MICAL2: variants seen among roughly 807,000 people sequenced by gnomAD.
MICAL2 encodes microtubule associated monooxygenase, calponin and LIM domain containing 2.
A neutral mutation model predicts 127.3 loss-of-function variants in MICAL2; 77 were observed. That is an observed-to-expected ratio of 0.60 (90% CI 0.50 to 0.73). MICAL2 has a LOEUF of 0.73. MICAL2 is among the 30% of genes least tolerant of loss of function. The pLI, the probability that MICAL2 is intolerant of heterozygous loss-of-function variation, is 0.00. For synonymous variants in MICAL2, 570 were observed against 551.1 expected (o/e 1.03, Z -0.48); for missense variants, 1,351 against 1,434.4 (o/e 0.94, Z 0.94).
At chr11:12,274,915 GT>G (rs1421131183), upstream of MICAL2, among the ~76,000 whole-genome samples, 1 of 151,944 alleles carries the variant, frequency 6.6e-6, no homozygotes, top group African/African-American at 2.4e-5. Context: ...GACTGTGGGG[GT>G]GGGGCACAGC....
chr11:12,238,989 C>T (rs971425035), intron 16 of MICAL2, among the ~76,000 whole-genome samples: 10 of 152,172 alleles, frequency 6.6e-5, no homozygotes, highest in Non-Finnish European at 1.5e-4. Flanking sequence ...CCCACCCGTG[C>T]TTCCTTCATT....
chr11:12,319,099 TAA>T (rs1354334750), intron 29 of MICAL2, among the ~76,000 whole-genome samples: 1 of 152,248 alleles, frequency 6.6e-6, no homozygotes, highest in Admixed American at 6.5e-5. Flanking sequence ...GACTATGTGA[TAA>T]AACCTTAGGC....
chr11:12,361,418 CA>C (rs1297374699), downstream of MICAL2, among the ~76,000 whole-genome samples: 1 of 152,172 alleles, frequency 6.6e-6, no homozygotes, highest in African/African-American at 2.4e-5. Flanking sequence ...GTACCATCCC[CA>C]AATACAAAGA....
At chr11:12,217,834 G>A (rs964394068) in intron 8 of MICAL2, among the ~76,000 whole-genome samples, 43 of 152,138 alleles carry the variant, frequency 2.8e-4, no homozygotes, top group African/African-American at 9.9e-4. Context: ...GTGCTGAGGA[G>A]CCTCAAGGTA....
chr11:12,224,568 C>A, intron 12 of MICAL2, 105 bp from the exon 13 acceptor site: 1 of 1,479,570 alleles, frequency 6.8e-7, no homozygotes, highest in Non-Finnish European at 9.2e-7. Context: ...TGCCTTGGGG[C>A]CGCTCGTCCT....
intron 11 of MICAL2, among the ~76,000 whole-genome samples, chr11:12,223,173 T>C (rs1459368728): frequency 6.6e-6 from 1 of 152,170 alleles, no homozygotes; most frequent in Non-Finnish European, 1.5e-5. Flanking sequence ...AATTAGCTAA[T>C]TACATACACA....
At chr11:12,324,509 G>T (rs1014962242) in intron 31 of MICAL2, among the ~76,000 whole-genome samples, 1 of 152,160 alleles carries the variant, frequency 6.6e-6, no homozygotes, top group East Asian at 1.9e-4. Flanking sequence ...TAAGTATCTA[G>T]CATTCCAATA....
intron 29 of MICAL2, among the ~76,000 whole-genome samples, chr11:12,297,713 A>G (rs567302717): frequency 6.6e-6 from 1 of 152,120 alleles, no homozygotes; most frequent in African/African-American, 2.4e-5. Context: ...TGAGCTATAG[A>G]TTCTGCCTTA....
intron 1 of MICAL2, chr11:12,276,318 T>A (rs1183921102): frequency 1.5e-5 from 6 of 396,964 alleles, no homozygotes; most frequent in African/African-American, 1.2e-4. Flanking sequence ...ATAGTACCCA[T>A]CTCAGAGGGA....
At chr11:12,259,600 G>A (rs1862822584) in intron 25 of MICAL2, 195 bp from the exon 26 acceptor site, 1 of 455,738 alleles carries the variant, frequency 2.2e-6, no homozygotes, top group Non-Finnish European at 3.9e-6. Flanking sequence ...GAAGGCTCGT[G>A]ACTCCTATGG....
intron 22 of MICAL2, chr11:12,250,133 G>A (rs1861346982): frequency 6.6e-6 from 1 of 152,256 alleles, no homozygotes; most frequent in African/African-American, 2.4e-5. Flanking sequence ...GATTGGCTCT[G>A]GGGAGAGGAG....
At chr11:12,333,355 T>A (rs1938685539) in intron 32 of MICAL2, among the ~76,000 whole-genome samples, 2 of 112,916 alleles carry the variant, frequency 1.8e-5, no homozygotes, top group African/African-American at 5.3e-5. Flanking sequence ...CTAAAAACTT[T>A]TAGCAAAAAA....
At chr11:12,344,586 C>T (rs188134012) in intron 32 of MICAL2, among the ~76,000 whole-genome samples, 125 of 149,140 alleles carry the variant, frequency 8.4e-4, no homozygotes, top group South Asian at 1.9e-3. Context: ...CTGCAACCTC[C>T]GCCTCCCAGG....
intron 3 of MICAL2, among the ~76,000 whole-genome samples, chr11:12,168,946 C>CAAAAAAAAA (rs66469229): frequency 8.7e-6 from 1 of 115,212 alleles, no homozygotes; most frequent in African/African-American, 3.5e-5. Flanking sequence ...GATCCTGTCT[C>CAAAAAAAAA]AAAAAAAAAA....
chr11:12,253,500 G>A (rs567973890), intron 22 of MICAL2: 1 of 152,292 alleles, frequency 6.6e-6, no homozygotes, highest in African/African-American at 2.4e-5. Flanking sequence ...AGGGAGGGAG[G>A]AAGCAAGGTA....
At chr11:12,238,429 G>A (rs555842907) in intron 16 of MICAL2, among the ~76,000 whole-genome samples, 5 of 152,292 alleles carry the variant, frequency 3.3e-5, no homozygotes, top group South Asian at 4.1e-4. Flanking sequence ...TATAAGTCAC[G>A]TTGATATCAT....
At chr11:12,179,330 A>C (rs1590207735) in intron 3 of MICAL2, among the ~76,000 whole-genome samples, 1 of 151,750 alleles carries the variant, frequency 6.6e-6, no homozygotes, top group East Asian at 1.9e-4. Context: ...GTCCTTGGAG[A>C]TCCTCCACCT....
chr11:12,124,606 C>T (rs541778687), intron 1 of MICAL2, among the ~76,000 whole-genome samples: 1 of 152,324 alleles, frequency 6.6e-6, no homozygotes, highest in African/African-American at 2.4e-5. Flanking sequence ...AGGTCACTTT[C>T]CCGGGCTAGG....
intron 3 of MICAL2, among the ~76,000 whole-genome samples, chr11:12,179,477 C>G (rs1250693371): frequency 1.3e-5 from 2 of 152,208 alleles, no homozygotes; most frequent in African/African-American, 4.8e-5. Flanking sequence ...CCTCTCTAAC[C>G]ATGACTTGGA....
Sources: allele counts gnomAD v4.1 joint callset (sites outside exome capture counted in the v4.1 genomes callset), GRCh38; gene constraint gnomAD v4.1.1; transcripts MANE v1.5; gene names NCBI Gene and HGNC (gene_info 2026-07-23, HGNC 2026-07-21).